The following DOCK3 variants were observed in gnomAD, a reference collection of about 807,000 sequenced individuals.
The protein encoded by DOCK3 is dedicator of cytokinesis 3.
In DOCK3, 60 loss-of-function variants were observed where a neutral mutation model predicts 265.6. That is an observed-to-expected ratio of 0.23 (90% CI 0.18 to 0.28). The LOEUF is 0.28. DOCK3 is among the 10% of genes least tolerant of loss of function. The probability of loss-of-function intolerance (pLI) is 1.00; values close to 1 mark genes in which losing one functional copy is unlikely to be tolerated. For missense variants in DOCK3, 1,981 were observed against 2,594.3 expected, an observed-to-expected ratio of 0.76 and a Z score of 5.14; for synonymous variants, 881 against 938.0, an observed-to-expected ratio of 0.94 and a Z score of 1.11.
At position 50,822,925 on chromosome 3, in the gene DOCK3, A is replaced by C. The variant is rs553190670; in HGVS notation, c.122-18750A>C. On this transcript the variant is annotated intron_variant, in intron 2 of 52. Coordinates refer to ENST00000266037, the MANE Select transcript of DOCK3 (RefSeq NM_004947.5). The stretch of plus-strand genomic sequence containing the variant: ...TTGACATTTTCATCTTTTCGGTAAG[A>C]AAAAAGGCTTCTTGTAGCTATAAAG... 3.9e-5 allele frequency among the ~76,000 whole-genome samples: 6 copies of C among 152,196 alleles called. No homozygotes were observed. The South Asian group carries it at 1.2e-3, about 31-fold the overall frequency.
intron 1 of DOCK3, among the ~76,000 whole-genome samples, chr3:50,719,268 C>CTTTTTTTTTTTTTTTTTTTTTTT (rs71084106): frequency 7.2e-6 from 1 of 138,672 alleles, no homozygotes. Flanking sequence ...TAGATATTTT[C>CTTTTTTTTTTTTTTTTTTTTTTT]TTTTTTTTTT....
rs1370450675 is a variant in DOCK3 at position 51,374,527 on chromosome 3, C to T, written c.5352C>T (p.Pro1784=). 1.9e-6 allele frequency: 3 copies of T among 1,613,884 alleles called. No individual in the cohort carries two copies. In the South Asian group the frequency reaches 3.3e-5, roughly 18 times the overall value. Residue 1784 remains proline (P), a synonymous_variant, in exon 50 of 53, where the codon CCC becomes CCT. Transcript: ENST00000266037. The surrounding 1 kb of genome is among the most constrained non-coding windows in gnomAD (Gnocchi z 4.8). The part of the protein sequence containing the change: ...RHAREMMLLL[P]TYRDRPSSAM... ...CCCGTGAAATGATGTTGTTGCTGCC[C>T]ACATACCGGGACCGCCCAAGCAGTG...
At chr3:50,827,380 T>C (rs573787927) in intron 2 of DOCK3, among the ~76,000 whole-genome samples, 24 of 152,206 alleles carry the variant, frequency 1.6e-4, no homozygotes, top group Non-Finnish European at 3.4e-4. Flanking sequence ...TCATGGTTCA[T>C]AGATGGCTGT....
At chr3:51,196,589 T>G (rs1415587018) in intron 12 of DOCK3, among the ~76,000 whole-genome samples, 1 of 152,242 alleles carries the variant, frequency 6.6e-6, no homozygotes, top group Non-Finnish European at 1.5e-5. Context: ...TATTCCTTTT[T>G]CTTTATTTTT....
chr3:50,809,799 G>A (rs1481758263), intron 2 of DOCK3, among the ~76,000 whole-genome samples: 1 of 152,154 alleles, frequency 6.6e-6, no homozygotes, highest in Non-Finnish European at 1.5e-5. Context: ...GAGAATTAGT[G>A]TTATTATGAT....
At chr3:50,867,803 A>G (rs906945027) in intron 3 of DOCK3, among the ~76,000 whole-genome samples, 4 of 151,992 alleles carry the variant, frequency 2.6e-5, no homozygotes, top group African/African-American at 9.7e-5. Context: ...TGATCTCTTT[A>G]ATATATTGTT....
chr3:51,297,032 C>G (rs968734388), intron 27 of DOCK3, among the ~76,000 whole-genome samples: 2 of 146,186 alleles, frequency 1.4e-5, no homozygotes, highest in African/African-American at 2.5e-5. Flanking sequence ...GCATGAGAAT[C>G]GCTTGAATCC....
chr3:50,901,841 T>G (rs2049218584), intron 4 of DOCK3, among the ~76,000 whole-genome samples: 1 of 152,128 alleles, frequency 6.6e-6, no homozygotes. Flanking sequence ...ACCGTGTACC[T>G]CACTTGGAAA....
intron 5 of DOCK3, among the ~76,000 whole-genome samples, chr3:51,019,066 G>A (rs1268514747): frequency 6.6e-6 from 1 of 151,712 alleles, no homozygotes; most frequent in African/African-American, 2.4e-5. Context: ...TTGTAGAGAT[G>A]GGTTCTTGCT....
intron 12 of DOCK3, among the ~76,000 whole-genome samples, chr3:51,187,228 G>T (rs547188285): frequency 6.6e-6 from 1 of 152,340 alleles, no homozygotes; most frequent in East Asian, 1.9e-4. Flanking sequence ...GAGACATGAA[G>T]TCAAAGGAGA....
chr3:51,276,635 A>T (rs1188221792), intron 25 of DOCK3, among the ~76,000 whole-genome samples: 6 of 152,150 alleles, frequency 3.9e-5, no homozygotes, highest in Admixed American at 2.6e-4. Context: ...GTTAAAATGG[A>T]TGGATGGGTA....
rs2086717469 is a variant in DOCK3, at chr3:51,361,325, C to G, written c.5007-534C>G. On this transcript the variant is annotated intron_variant, in intron 47 of 52. Coordinates refer to ENST00000266037, the MANE Select transcript of DOCK3 (RefSeq NM_004947.5). This position sits in a 1 kb window ranked among gnomAD's most constrained non-coding sequence, Gnocchi z 4.2. ...AAATAAGGGACAAATGAATGAGAAG[C>G]TTTCCTGGTATTGCTAGAGGAGAGC... Among the ~76,000 whole-genome samples the G allele has an allele frequency of 6.6e-6, 1 of 152,184 alleles. No individual in the cohort carries two copies. Among genetic ancestry groups the G allele is most frequent in the Non-Finnish European group, 1.5e-5 (1 of 68,028 alleles).
At chr3:50,912,910 CGAG>C (rs1484554845) in intron 4 of DOCK3, among the ~76,000 whole-genome samples, 1 of 152,058 alleles carries the variant, frequency 6.6e-6, no homozygotes, top group Non-Finnish European at 1.5e-5. Flanking sequence ...GTCCTGGAAT[CGAG>C]GGCCCCTAGA....
intron 8 of DOCK3, among the ~76,000 whole-genome samples, chr3:51,089,563 G>A (rs573371801): frequency 5.4e-4 from 82 of 152,322 alleles, no homozygotes; most frequent in Admixed American, 2.1e-3. Context: ...AGGTAACAGT[G>A]TAAATCAAGC....
intron 6 of DOCK3, among the ~76,000 whole-genome samples, chr3:51,065,359 G>T (rs2081555112): frequency 1.3e-5 from 2 of 151,990 alleles, no homozygotes; most frequent in African/African-American, 2.4e-5. Context: ...TATCCTTTTT[G>T]GGAGGGGCCC....
intron 5 of DOCK3, among the ~76,000 whole-genome samples, chr3:50,992,240 A>G (rs1364599205): frequency 6.6e-6 from 1 of 152,250 alleles, no homozygotes; most frequent in Non-Finnish European, 1.5e-5. Flanking sequence ...AACAAAAATC[A>G]GAACTGAACT....
At position 50,978,751 on chromosome 3, in the gene DOCK3, C is replaced by T. The variant is rs537558350; in HGVS notation, c.315+44674C>T. On this transcript the variant is annotated intron_variant, in intron 5 of 52. Coordinates refer to ENST00000266037, the MANE Select transcript of DOCK3 (RefSeq NM_004947.5). ...GGGCGCCCCTCCCCCAGCCTCGCTG[C>T]CGCCTTGCAGTTTGATCTGAAACTG... Among the ~76,000 whole-genome samples, 29 of 152,358 alleles carry T rather than the reference C, an allele frequency of 1.9e-4. No homozygotes were observed. In the East Asian group the frequency reaches 4.8e-3, roughly 25 times the overall value.
chr3:50,782,046 T>G (rs2041941892), intron 2 of DOCK3, among the ~76,000 whole-genome samples: 3 of 152,186 alleles, frequency 2.0e-5, no homozygotes, highest in African/African-American at 4.8e-5. Context: ...TTAGATTGAT[T>G]CCATGTCTTT....
chr3:50,993,469 A>G (rs996975398), intron 5 of DOCK3, among the ~76,000 whole-genome samples: 2 of 152,214 alleles, frequency 1.3e-5, no homozygotes, highest in Non-Finnish European at 2.9e-5. Context: ...TGGAAATAGA[A>G]ATCTTCTTAA....
Sources: gnomAD v4.1 joint callset for allele counts (sites outside exome capture counted in the v4.1 genomes callset) on GRCh38, gnomAD v4.1.1 for gene constraint, Gnocchi (gnomAD v3.1) non-coding constraint, MANE v1.5 for transcripts, NCBI Gene and HGNC (gene_info 2026-07-23, HGNC 2026-07-21) for gene names.